ATP8A2: variants seen among roughly 807,000 people sequenced by gnomAD.
ATP8A2 encodes the protein ATPase phospholipid transporting 8A2, also known as phospholipid-transporting ATPase IB.
In ATP8A2, 100 loss-of-function variants were observed where a neutral mutation model predicts 165.6. That is an observed-to-expected ratio of 0.60 (90% CI 0.51 to 0.71). The LOEUF is 0.71. Among genes scored for constraint, ATP8A2 ranks in the 30% least tolerant of loss-of-function variants. The pLI, the probability that ATP8A2 is intolerant of heterozygous loss-of-function variation, is 0.00. For missense variants in ATP8A2, 1,227 were observed against 1,479.5 expected (o/e 0.83, Z 2.80); for synonymous variants, 543 against 548.8 (o/e 0.99, Z 0.15).
chr13:25,607,082 A>G (rs1319755703), intron 24 of ATP8A2, among the ~76,000 whole-genome samples: 1 of 152,166 alleles, frequency 6.6e-6, no homozygotes, highest in Non-Finnish European at 1.5e-5. Flanking sequence ...TGGGAACCCT[A>G]TTGTAAACTG....
chr13:25,676,140 G>C (rs1273118946), intron 24 of ATP8A2, among the ~76,000 whole-genome samples: 1 of 152,146 alleles, frequency 6.6e-6, no homozygotes, highest in African/African-American at 2.4e-5. Flanking sequence ...GGTAGGCAGT[G>C]GTTAACTGCA....
At chr13:25,899,022 C>A (rs1953654082) in intron 33 of ATP8A2, among the ~76,000 whole-genome samples, 1 of 152,198 alleles carries the variant, frequency 6.6e-6, no homozygotes, top group Non-Finnish European at 1.5e-5. Context: ...CGCATGGTGC[C>A]CTGCACCCAC....
intron 35 of ATP8A2, among the ~76,000 whole-genome samples, chr13:25,972,497 G>C (rs1352816742): frequency 6.6e-6 from 1 of 152,162 alleles, no homozygotes; most frequent in Non-Finnish European, 1.5e-5. Flanking sequence ...TTGAAGGAGT[G>C]TTTTTCACGA....
At chr13:25,379,377 A>G (rs1277056237) in intron 1 of ATP8A2, among the ~76,000 whole-genome samples, 1 of 152,246 alleles carries the variant, frequency 6.6e-6, no homozygotes, top group African/African-American at 2.4e-5. Context: ...CTATACTGAC[A>G]TTTGGAATCT....
At chr13:25,395,331 C>G (rs2033385011) in intron 1 of ATP8A2, among the ~76,000 whole-genome samples, 2 of 151,850 alleles carry the variant, frequency 1.3e-5, no homozygotes, top group Non-Finnish European at 1.5e-5. Context: ...TTTAAAAATG[C>G]CTTGAGACTC....
intron 25 of ATP8A2, among the ~76,000 whole-genome samples, chr13:25,752,120 A>G (rs2044164545): frequency 6.6e-6 from 1 of 151,992 alleles, no homozygotes; most frequent in Non-Finnish European, 1.5e-5. Context: ...CAAATTTTAC[A>G]TGTGCATAAC....
intron 24 of ATP8A2, among the ~76,000 whole-genome samples, chr13:25,668,428 C>T (rs2042198990): frequency 1.3e-5 from 2 of 151,976 alleles, no homozygotes; most frequent in African/African-American, 4.8e-5. Flanking sequence ...TAATAAGTTG[C>T]CTCTTTCTTT....
intron 33 of ATP8A2, among the ~76,000 whole-genome samples, chr13:25,915,728 A>T (rs180714867): frequency 2.9e-4 from 44 of 152,380 alleles, no homozygotes; most frequent in African/African-American, 1.0e-3. Context: ...GACCCAGCAC[A>T]GACCCAGGCT....
At chr13:25,736,523 A>G (rs2043772820) in intron 25 of ATP8A2, among the ~76,000 whole-genome samples, 1 of 152,228 alleles carries the variant, frequency 6.6e-6, no homozygotes, top group Admixed American at 6.5e-5. Flanking sequence ...TTGGAGACAT[A>G]AATACAAGTG....
intron 2 of ATP8A2, among the ~76,000 whole-genome samples, chr13:25,528,153 G>A (rs2037901164): frequency 6.6e-6 from 1 of 152,026 alleles, no homozygotes; most frequent in African/African-American, 2.4e-5. Context: ...TGTTGATTCT[G>A]GCCAGATTTC....
At chr13:25,735,451 A>G (rs763430698) in intron 25 of ATP8A2, among the ~76,000 whole-genome samples, 3 of 151,946 alleles carry the variant, frequency 2.0e-5, no homozygotes, top group African/African-American at 4.8e-5. Context: ...TGTAGAGACA[A>G]GGTCTCACCA....
intron 33 of ATP8A2, among the ~76,000 whole-genome samples, chr13:25,943,090 C>T (rs1173945207): frequency 1.7e-4 from 26 of 152,062 alleles, no homozygotes; most frequent in Admixed American, 1.6e-3. Flanking sequence ...ATTAGAGGAA[C>T]GAGAGCATGC....
At chr13:25,849,490 T>G (rs1951954240) in intron 30 of ATP8A2, among the ~76,000 whole-genome samples, 2 of 152,228 alleles carry the variant, frequency 1.3e-5, no homozygotes, top group Admixed American at 1.3e-4. Context: ...TTTGGAATAT[T>G]CTGAAATAAG....
intron 33 of ATP8A2, among the ~76,000 whole-genome samples, chr13:25,894,708 C>A (rs1406874744): frequency 1.3e-5 from 2 of 151,998 alleles, no homozygotes; most frequent in Admixed American, 6.6e-5. Flanking sequence ...CTTTTATTTC[C>A]TTGAGCAGTG....
intron 25 of ATP8A2, among the ~76,000 whole-genome samples, chr13:25,744,330 C>CCCCCCCCCCG: frequency 6.6e-6 from 1 of 151,932 alleles, no homozygotes; most frequent in African/African-American, 2.4e-5. Flanking sequence ...TCACCACCCC[C>CCCCCCCCCCG]CCGTGTGTAT....
intron 33 of ATP8A2, among the ~76,000 whole-genome samples, chr13:25,914,954 T>A (rs1954225065): frequency 6.6e-6 from 1 of 152,222 alleles, no homozygotes; most frequent in Non-Finnish European, 1.5e-5. Flanking sequence ...AGCACCAAAC[T>A]CTCATCATTT....
At position 25,543,321 on chromosome 13, in the gene ATP8A2, A is replaced by T. The variant is rs767664590; in HGVS notation, c.810A>T (p.Leu270Phe). 4 of 1,612,124 alleles carry T rather than the reference A, an allele frequency of 2.5e-6. 1 individual carries two copies. The highest frequency in any genetic ancestry group is 3.4e-6 in the Non-Finnish European group (4 of 1,178,662). ...TTGCCCTTGGGCCTGACCAGATCTT[A>T]TTAAGAGGTACACAGCTTAGAAATA... is the stretch of plus-strand genomic sequence containing the variant. ...SLVALGPDQI[L>F]LRGTQLRNTQ... Residue 270 changes from leucine to phenylalanine, a missense_variant, in exon 10 of 37, where the codon TTA (leucine) becomes TTT (phenylalanine). Transcript: ENST00000381655.
intron 1 of ATP8A2, among the ~76,000 whole-genome samples, chr13:25,374,559 A>C (rs1203118754): frequency 6.6e-6 from 1 of 152,162 alleles, no homozygotes; most frequent in East Asian, 1.9e-4. Flanking sequence ...GCAGGGGGGA[A>C]GGCAGTGATC....
At chr13:25,882,099 C>T (rs1952995561) in intron 33 of ATP8A2, among the ~76,000 whole-genome samples, 3 of 152,172 alleles carry the variant, frequency 2.0e-5, no homozygotes, top group African/African-American at 2.4e-5. Flanking sequence ...GCAGCTGCAG[C>T]GGCTCTGTTT....
Sources: allele counts gnomAD v4.1 joint callset (sites outside exome capture counted in the v4.1 genomes callset), GRCh38; gene constraint gnomAD v4.1.1; transcripts MANE v1.5; gene names NCBI Gene and HGNC (gene_info 2026-07-23, HGNC 2026-07-21).